The following SLIT2 variants were observed in gnomAD, a reference collection of about 807,000 sequenced individuals.
SLIT2 encodes the protein slit guidance ligand 2, also known as slit homolog 2 protein.
Under a neutral mutation model 185.7 loss-of-function variants are expected in SLIT2, and 41 were observed. The observed-to-expected ratio is 0.22, with a 90% CI of 0.17 to 0.29. SLIT2 has a LOEUF of 0.29. Among genes scored for constraint, SLIT2 ranks in the 10% least tolerant of loss-of-function variants. SLIT2 has a pLI of 1.00. For synonymous variants in SLIT2, 693 were observed against 680.2 expected, an observed-to-expected ratio of 1.02 and a Z score of -0.29; for missense variants, 1,571 against 1,909.0, an observed-to-expected ratio of 0.82 and a Z score of 3.30.
intron 4 of SLIT2, among the ~76,000 whole-genome samples, chr4:20,285,197 G>C (rs768089154): frequency 6.6e-6 from 1 of 152,170 alleles, no homozygotes; most frequent in Non-Finnish European, 1.5e-5. Flanking sequence ...ATGCAGAACT[G>C]TATCATAAGA....
At position 20,254,100 on chromosome 4, in the gene SLIT2, G is replaced by T. The variant is rs1435170549; in HGVS notation, c.179+106G>T. On this transcript the variant is annotated intron_variant, in intron 1 of 36. Coordinates refer to ENST00000504154, the MANE Select transcript of SLIT2 (RefSeq NM_004787.4). This position sits in a 1 kb window ranked among gnomAD's most constrained non-coding sequence, Gnocchi z 5.1. ...GGGTCCTGTGCCTGGGGCAGCCCTC[G>T]CTAGCTCTCCCCCATGCACATCCTG... 1.1e-5 allele frequency: 13 copies of T among 1,156,386 alleles called. No individual in the cohort carries two copies. Among genetic ancestry groups the T allele is most frequent in the African/African-American group, 1.5e-5 (1 of 65,178 alleles). 71.6% of individuals were successfully genotyped at this position (1,156,386 alleles called of 1,614,324 possible).
chr4:20,293,112 G>C (rs1716129000), intron 4 of SLIT2, among the ~76,000 whole-genome samples: 2 of 152,212 alleles, frequency 1.3e-5, no homozygotes, highest in South Asian at 4.1e-4. Context: ...ATGGTTAAAA[G>C]GTGTGCTCAT....
Position 20,252,317 on chromosome 4 carries a change from C to A in SLIT2, c.-1499C>A, listed in dbSNP as rs552438872. ...GGGGCTCCGGAGTCGGCAGAGCCAC[C>A]GAGTCCCCGCTCTGAGTCGTCGCCC... On this transcript the variant is annotated 5_prime_UTR_variant, in exon 1 of 37. Coordinates refer to ENST00000504154, the MANE Select transcript of SLIT2 (RefSeq NM_004787.4). 6.6e-6 allele frequency among the ~76,000 whole-genome samples: 1 copy of A among 152,192 alleles called. No individual in the cohort carries two copies. The highest frequency in any genetic ancestry group is 2.4e-5 in the African/African-American group (1 of 41,454).
At chr4:20,527,438 A>T (rs951698923) in intron 15 of SLIT2, among the ~76,000 whole-genome samples, 3 of 151,932 alleles carry the variant, frequency 2.0e-5, no homozygotes, top group African/African-American at 7.3e-5. Flanking sequence ...AGGCGCCCGC[A>T]ACCATGCCCA....
At chr4:20,269,410 G>A (rs887813110) in intron 4 of SLIT2, among the ~76,000 whole-genome samples, 1 of 151,836 alleles carries the variant, frequency 6.6e-6, no homozygotes, top group Non-Finnish European at 1.5e-5. Flanking sequence ...TGACTGTATG[G>A]CAAGGTTTTC....
intron 8 of SLIT2, 35 bp downstream of exon 8, chr4:20,489,017 A>G: frequency 6.4e-7 from 1 of 1,562,192 alleles, no homozygotes. Flanking sequence ...TATTGTGTTT[A>G]TTGTATCCTG....
chr4:20,291,177 T>G (rs1715777083), intron 4 of SLIT2, among the ~76,000 whole-genome samples: 1 of 152,092 alleles, frequency 6.6e-6, no homozygotes, highest in South Asian at 2.1e-4. Flanking sequence ...ATGAATGAAT[T>G]AATAAATGCA....
chr4:20,337,695 C>G (rs1720620044), intron 4 of SLIT2, among the ~76,000 whole-genome samples: 1 of 152,174 alleles, frequency 6.6e-6, no homozygotes, highest in African/African-American at 2.4e-5. Flanking sequence ...TCCACATAAA[C>G]TAAGCCAAAA....
At chr4:20,587,795 C>T (rs948743688) in intron 29 of SLIT2, among the ~76,000 whole-genome samples, 1 of 152,142 alleles carries the variant, frequency 6.6e-6, no homozygotes, top group African/African-American at 2.4e-5. Flanking sequence ...TGGACTGTGA[C>T]TTAGATTGGA....
chr4:20,600,413 A>ATAT (rs1560230025), intron 33 of SLIT2, among the ~76,000 whole-genome samples: 2 of 89,500 alleles, frequency 2.2e-5, no homozygotes, highest in African/African-American at 5.6e-5. Context: ...ATTATGTTGC[A>ATAT]TTTTTTTTTT....
chr4:20,499,556 C>T (rs1041640912), intron 9 of SLIT2, among the ~76,000 whole-genome samples: 6 of 152,170 alleles, frequency 3.9e-5, no homozygotes, highest in African/African-American at 1.4e-4. Context: ...GTGGCACCTT[C>T]TTGGCTTACT....
At position 20,539,465 on chromosome 4, in the gene SLIT2, C is replaced by T; in HGVS notation, c.1857C>T (p.Thr619=). Residue 619 remains threonine (T), a synonymous_variant, in exon 19 of 37, where the codon ACC becomes ACT. Transcript: ENST00000504154. The part of the protein sequence containing the change: ...KTLMLRSNRI[T]CVGNDSFIGL... The stretch of plus-strand genomic sequence containing the variant: ...GGATGTTGAGAAGCAATCGAATAAC[C>T]TGTGTGGGGAATGACAGTTTCATAG... 6.2e-7 allele frequency: 1 copy of T among 1,613,052 alleles called. No homozygotes were observed. Among genetic ancestry groups the T allele is most frequent in the African/African-American group, 1.3e-5 (1 of 74,950 alleles).
At chr4:20,311,197 A>G (rs993134516) in intron 4 of SLIT2, among the ~76,000 whole-genome samples, 2 of 152,366 alleles carry the variant, frequency 1.3e-5, no homozygotes, top group African/African-American at 4.8e-5. Flanking sequence ...CCTGAACTCA[A>G]TATTTTATAC....
chr4:20,570,193 T>C (rs1271415868), intron 29 of SLIT2, among the ~76,000 whole-genome samples: 1 of 152,082 alleles, frequency 6.6e-6, no homozygotes, highest in East Asian at 1.9e-4. Flanking sequence ...AAAGCAGTAA[T>C]AGCATATTAA....
chr4:20,609,527 G>A (rs914890886), intron 33 of SLIT2, among the ~76,000 whole-genome samples: 2 of 152,180 alleles, frequency 1.3e-5, no homozygotes, highest in African/African-American at 4.8e-5. Flanking sequence ...ATTTGTGTGT[G>A]TGTTTGATTC....
intron 4 of SLIT2, among the ~76,000 whole-genome samples, chr4:20,288,172 AT>A (rs575416812): frequency 2.0e-5 from 3 of 152,322 alleles, no homozygotes; most frequent in Admixed American, 2.0e-4. Context: ...TTATCTGGGA[AT>A]TTAAAAAAAC....
rs992764169 is a variant in SLIT2, at chr4:20,554,185, C to G, written c.2725+217C>G. The G allele has an allele frequency of 8.3e-6, 5 of 602,712 alleles. No individual in the cohort carries two copies. In the African/African-American group the frequency reaches 9.2e-5, roughly 11 times the overall value. 37.3% of individuals were successfully genotyped at this position (602,712 alleles called of 1,614,324 possible). ...CTCAGAAATAGTCCATTGGTAATGA[C>G]CAAGTTTTCTTGAAAGTGTATCAAA... On this transcript the variant is annotated intron_variant, in intron 26 of 36. Transcript: ENST00000504154.
At chr4:20,594,279 A>G (rs1727789770) in intron 30 of SLIT2, among the ~76,000 whole-genome samples, 1 of 150,566 alleles carries the variant, frequency 6.6e-6, no homozygotes, top group South Asian at 2.1e-4. Flanking sequence ...GTATGTGTGT[A>G]TGTATATGTG....
At chr4:20,444,773 A>T (rs1177663893) in intron 4 of SLIT2, among the ~76,000 whole-genome samples, 4 of 152,152 alleles carry the variant, frequency 2.6e-5, no homozygotes, top group Non-Finnish European at 5.9e-5. Flanking sequence ...CCAGTTTCAC[A>T]ATTCTCCACC....
Sources: allele counts gnomAD v4.1 joint callset (sites outside exome capture counted in the v4.1 genomes callset), GRCh38; gene constraint gnomAD v4.1.1; non-coding constraint Gnocchi (gnomAD v3.1); transcripts MANE v1.5; gene names NCBI Gene and HGNC (gene_info 2026-07-23, HGNC 2026-07-21).